Variants in SEC24B observed in about 807,000 individuals in gnomAD.
SEC24B encodes the protein protein transport protein Sec24B.
A neutral mutation model predicts 142.8 loss-of-function variants in SEC24B; 45 were observed. The ratio of observed to expected loss-of-function variants is 0.32; its 90% confidence interval spans 0.25 to 0.40. SEC24B has a LOEUF of 0.40. SEC24B is among the 10% of genes least tolerant of loss of function. SEC24B has a pLI of 1.00. For missense variants in SEC24B, 1,409 were observed against 1,526.8 expected (o/e 0.92, Z 1.29); for synonymous variants, 574 against 568.2 (o/e 1.01, Z -0.15).
At chr4:109,503,062 CTTTT>C (rs200320332) in intron 6 of SEC24B, among the ~76,000 whole-genome samples, 1 of 138,422 alleles carries the variant, frequency 7.2e-6, no homozygotes. Context: ...TTCTTTCTTT[CTTTT>C]TTTTTTTTTT....
intron 6 of SEC24B, among the ~76,000 whole-genome samples, chr4:109,496,215 C>T (rs902676925): frequency 6.6e-6 from 1 of 151,872 alleles, no homozygotes; most frequent in Non-Finnish European, 1.5e-5. Flanking sequence ...TGGGTTCAAG[C>T]GATTCTCCTG....
At chr4:109,469,444 G>T (rs544861288) in intron 2 of SEC24B, among the ~76,000 whole-genome samples, 37 of 152,298 alleles carry the variant, frequency 2.4e-4, no homozygotes, top group African/African-American at 8.7e-4. Flanking sequence ...TTCACTTAGA[G>T]AAGCAAGTAT....
rs761489906 is a variant in SEC24B at position 109,491,353 on chromosome 4, A to G, written c.1192A>G (p.Ser398Gly). The G allele has an allele frequency of 6.2e-7, 1 of 1,613,710 alleles. No homozygotes were observed. The highest frequency in any genetic ancestry group is 8.5e-7 in the Non-Finnish European group (1 of 1,179,694). Residue 398 changes from serine to glycine, a missense_variant, in exon 5 of 24, where the codon AGT becomes GGT. This residue lies in a region of SEC24B where 709 missense variants were observed against 673.5 expected (regional missense o/e 1.05). Transcript: ENST00000265175. ...TGTTGACAGCTCTTCTACCACAAGC[A>G]GTGCTTCTCCAATGCCCAACAGTTA... ...AGVDSSSTTS[S>G]ASPMPNSYDA... is the part of the protein sequence containing the mutation.
rs999906284 is a variant in SEC24B, at chr4:109,451,118, G to T, written c.134-11783G>T. ...TCCTCTTTCCCTGTTTCTTATAAGG[G>T]AGATTTGCCCATTTAATCCCATTTT... On this transcript the variant is annotated intron_variant, in intron 1 of 23. Transcript: ENST00000265175. 4 of 152,056 alleles carry T rather than the reference G, an allele frequency of 2.6e-5. No homozygotes were observed. The South Asian group carries it at 6.2e-4, about 24-fold the overall frequency. The allele number at this position is 152,056 out of a possible 1,614,324, so 9.4% of individuals were successfully genotyped here. A position where few individuals can be genotyped will look rare whatever the true frequency, so the allele number is the denominator to read the frequency against.
At chr4:109,517,982 TTTTG>T (rs1723152833) in intron 11 of SEC24B, among the ~76,000 whole-genome samples, 1 of 137,174 alleles carries the variant, frequency 7.3e-6, no homozygotes, top group African/African-American at 3.2e-5. Context: ...TTTATTTATT[TTTTG>T]AGACAGAGTC....
chr4:109,477,421 A>T (rs1027446169), intron 3 of SEC24B, among the ~76,000 whole-genome samples: 16 of 152,046 alleles, frequency 1.1e-4, no homozygotes, highest in Non-Finnish European at 1.5e-4. Flanking sequence ...ACTGGGGCTC[A>T]AGCGATATTC....
At chr4:109,443,816 C>G (rs1404553043) in intron 1 of SEC24B, among the ~76,000 whole-genome samples, 1 of 152,140 alleles carries the variant, frequency 6.6e-6, no homozygotes, top group African/African-American at 2.4e-5. Context: ...TCAGCTATAT[C>G]TAAAATGATG....
chr4:109,516,372 A>G lies in SEC24B; in HGVS notation c.2014-156A>G, dbSNP rs1257695871. Reference sequence around the variant, plus strand: ...CCAACTAAAAAGAAAAAAAATTAAAAGCATATCATTTTCATGAGCACATAT... The same window carrying G: ...CCAACTAAAAAGAAAAAAAATTAAAGGCATATCATTTTCATGAGCACATAT... On this transcript the variant is annotated intron_variant, in intron 10 of 23. Transcript: ENST00000265175. 2.6e-5 allele frequency among the ~76,000 whole-genome samples: 4 copies of G among 152,358 alleles called. No individual in the cohort carries two copies. The East Asian group carries it at 5.8e-4, about 22-fold the overall frequency.
At chr4:109,459,820 A>G (rs184597623) in intron 1 of SEC24B, among the ~76,000 whole-genome samples, 70 of 152,294 alleles carry the variant, frequency 4.6e-4, no homozygotes, top group African/African-American at 1.7e-3. Flanking sequence ...AGATATTTGA[A>G]CAGATTTCTC....
In SEC24B at chr4:109,525,467, T is replaced by G. The variant is rs1180680715; in HGVS notation, c.2754T>G (p.Ile918Met). Residue 918 changes from isoleucine (I) to methionine (M), a missense_variant, in exon 16 of 24, where the codon ATT becomes ATG. Around this residue, in one of 2 missense-constraint regions of SEC24B, gnomAD observed 700 missense variants for 853.3 expected, o/e 0.82. Transcript: ENST00000265175. ...TAAAACGGTATCTCACAAGAAAAAT[T>G]GGGTTTGAAGCTGTTATGAGAATAA... ...KDLKRYLTRK[I>M]GFEAVMRIRC... The G allele has an allele frequency of 6.2e-7, 1 of 1,611,670 alleles. No individual in the cohort carries two copies.
At chr4:109,469,163 CCTTCT>C (rs2125949445) in intron 2 of SEC24B, among the ~76,000 whole-genome samples, 1 of 152,286 alleles carries the variant, frequency 6.6e-6, no homozygotes, top group South Asian at 2.1e-4. Context: ...ATCATGATTT[CCTTCT>C]CTTAGAAATC....
At chr4:109,459,074 AAT>A (rs987757053) in intron 1 of SEC24B, among the ~76,000 whole-genome samples, 1 of 152,224 alleles carries the variant, frequency 6.6e-6, no homozygotes, top group Non-Finnish European at 1.5e-5. Flanking sequence ...AGTTAAACAT[AAT>A]ATATGTATAT....
At chr4:109,474,994 G>C (rs112861575) in intron 3 of SEC24B, among the ~76,000 whole-genome samples, 1 of 152,128 alleles carries the variant, frequency 6.6e-6, no homozygotes, top group South Asian at 2.1e-4. Context: ...ATTGACAGAG[G>C]TTAGGTAACT....
chr4:109,467,187 G>T (rs938553879), intron 2 of SEC24B, among the ~76,000 whole-genome samples: 1 of 151,388 alleles, frequency 6.6e-6, no homozygotes, highest in South Asian at 2.1e-4. Flanking sequence ...TTAGCCGGGC[G>T]TGGTAGCGGG....
Position 109,510,017 on chromosome 4 carries a change from G to A in SEC24B, c.1682G>A (p.Arg561Gln), listed in dbSNP as rs766013417. The A allele has an allele frequency of 2.5e-6, 4 of 1,595,554 alleles. No homozygotes were observed. Among genetic ancestry groups the A allele is most frequent in the South Asian group, 2.3e-5 (2 of 87,202 alleles). The part of the protein sequence containing the change: ...KKLNCSPDSF[R>Q]CTLTNIPQTQ... ...GTTTATGTTTTTTGCAGTTCATTTCGGTGTACTTTGACAAATATTCCACAG... is the reference window on the plus strand; with the variant it reads ...GTTTATGTTTTTTGCAGTTCATTTCAGTGTACTTTGACAAATATTCCACAG... Residue 561 changes from arginine (R) to glutamine (Q), a missense_variant, in exon 8 of 24, where the codon CGG becomes CAG. By Grantham distance (43) the Arg-to-Gln change is conservative. Around this residue, in one of 2 missense-constraint regions of SEC24B, gnomAD observed 700 missense variants for 853.3 expected, o/e 0.82. Transcript: ENST00000265175.
At chr4:109,445,715 C>T (rs771229689) in intron 1 of SEC24B, among the ~76,000 whole-genome samples, 15 of 151,780 alleles carry the variant, frequency 9.9e-5, no homozygotes, top group Non-Finnish European at 2.2e-4. Context: ...ACTACAGGCA[C>T]AAACCACCAC....
chr4:109,502,653 G>A (rs1412544059), intron 6 of SEC24B, among the ~76,000 whole-genome samples: 1 of 152,196 alleles, frequency 6.6e-6, no homozygotes, highest in Non-Finnish European at 1.5e-5. Context: ...CAAAGGTCTA[G>A]GAATGGGAAT....
At chr4:109,491,524 G>T in intron 5 of SEC24B, 117 bp downstream of exon 5, 1 of 733,966 alleles carries the variant, frequency 1.4e-6, no homozygotes, top group Non-Finnish European at 2.2e-6. Flanking sequence ...AAGAAAAAAA[G>T]GACATTTTTC....
At chr4:109,478,536 T>C (rs1193285871) in intron 3 of SEC24B, among the ~76,000 whole-genome samples, 1 of 152,188 alleles carries the variant, frequency 6.6e-6, no homozygotes, top group Non-Finnish European at 1.5e-5. Context: ...ATTTGAAGTA[T>C]TACCCTATTT....
Sources: gnomAD v4.1 joint callset for allele counts (sites outside exome capture counted in the v4.1 genomes callset) on GRCh38, gnomAD v4.1.1 for gene constraint, gnomAD v4.1.1 regional missense constraint, MANE v1.5 for transcripts, NCBI Gene and HGNC (gene_info 2026-07-23, HGNC 2026-07-21) for gene names.